The following SLC12A4 variants were observed in gnomAD, a reference collection of about 807,000 sequenced individuals.
SLC12A4 encodes the protein solute carrier family 12 member 4.
A neutral mutation model predicts 119.2 loss-of-function variants in SLC12A4; 84 were observed. That is an observed-to-expected ratio of 0.70 (90% confidence interval 0.59 to 0.85). The LOEUF (loss-of-function observed/expected upper bound fraction) is 0.85. Among genes scored for constraint, SLC12A4 ranks in the 40% least tolerant of loss-of-function variants. The pLI, the probability that SLC12A4 is intolerant of heterozygous loss-of-function variation, is 0.00. For synonymous variants in SLC12A4, 599 were observed against 604.6 expected, an observed-to-expected ratio of 0.99 and a Z score of 0.14; for missense variants, 1,298 against 1,476.3, an observed-to-expected ratio of 0.88 and a Z score of 1.98.
In SLC12A4 at chr16:67,944,911, GCA is replaced by G; in HGVS notation, c.3185_3186del (p.Val1062AlafsTer6). On this transcript the variant is annotated frameshift_variant, in exon 24 of 24. Coordinates refer to ENST00000316341, the MANE Select transcript of SLC12A4 (RefSeq NM_005072.5). LOFTEE classifies it high-confidence loss of function. The surrounding 1 kb of genome is among the most constrained non-coding windows in gnomAD (Gnocchi z 6.6). ...GDENYMEFLE[V>X]LTEGLERVLL... ...AGCACCCGCTCAAGGCCCTCGGTCA[GCA>G]CCTCGAGGAACTCCATGTCTGCAGG... 4 of 1,613,412 alleles carry G rather than the reference GCA, an allele frequency of 2.5e-6. No individual in the cohort carries two copies. Among genetic ancestry groups the G allele is most frequent in the Non-Finnish European group, 2.5e-6 (3 of 1,180,006 alleles).
intron 6 of SLC12A4, chr16:67,954,122 G>A (rs1034494200): frequency 1.2e-5 from 5 of 408,210 alleles, no homozygotes; most frequent in African/African-American, 2.1e-5. Context: ...CCACTGGTAC[G>A]GCAGTTCACT....
chr16:67,945,314 C>T, intron 22 of SLC12A4, 55 bp downstream of exon 22: 20 of 1,575,960 alleles, frequency 1.3e-5, no homozygotes, highest in Non-Finnish European at 1.7e-5. Flanking sequence ...GTCTGCCCCA[C>T]CCCACCTCCA....
rs896037429 is a variant in SLC12A4, at chr16:67,946,832, G to A, written c.2241+105C>T. On this transcript the variant is annotated intron_variant, in intron 17 of 23. Transcript: ENST00000316341. ...CAGCTCTCAGGTGGCAGCAGTGCTG[G>A]CTGCCTGGCTGGCCACCCTGGCCAA... The A allele has an allele frequency of 3.6e-6, 5 of 1,374,488 alleles. No homozygotes were observed. The South Asian group carries it at 4.1e-5, about 11-fold the overall frequency. 85.1% of individuals were successfully genotyped at this position (1,374,488 alleles called of 1,614,324 possible).
chr16:67,966,835 C>T, intron 1 of SLC12A4: 1 of 1,547,912 alleles, frequency 6.5e-7, no homozygotes, highest in Non-Finnish European at 8.7e-7. Flanking sequence ...GGAAGGGAGG[C>T]AGTGGGAGGA....
Position 67,949,672 on chromosome 16 carries a change from G to T in SLC12A4, c.1748+128C>A. 1.5e-6 allele frequency: 1 copy of T among 648,820 alleles called. No homozygotes were observed. Among genetic ancestry groups the T allele is most frequent in the Non-Finnish European group, 2.6e-6 (1 of 380,714 alleles). The allele number at this position is 648,820 out of a possible 1,614,324, so 40.2% of individuals were successfully genotyped here. A position where few individuals can be genotyped will look rare whatever the true frequency, so the allele number is the denominator to read the frequency against. ...TGCAGGGGTGGGCTGAGCCCTGTCA[G>T]GCCACATCTCCCCATGCAGCCTGCC... is the stretch of plus-strand genomic sequence containing the variant. On this transcript the variant is annotated intron_variant, in intron 13 of 23. Coordinates refer to ENST00000316341, the MANE Select transcript of SLC12A4 (RefSeq NM_005072.5). The surrounding 1 kb of genome is among the most constrained non-coding windows in gnomAD (Gnocchi z 4.6).
At position 67,945,137 on chromosome 16, in the gene SLC12A4, AC is replaced by A; in HGVS notation, c.3115del (p.Val1039PhefsTer3). The A allele has an allele frequency of 6.2e-7, 1 of 1,600,758 alleles. No individual in the cohort carries two copies. Among genetic ancestry groups the A allele is most frequent in the Non-Finnish European group, 8.5e-7 (1 of 1,172,452 alleles). The stretch of plus-strand genomic sequence containing the variant: ...GGGTGGGCCAGGCATGTTTAGGAGA[AC>A]CAGGCGGGCGTCGTGGGAGCGCGTG... ...IVTRSHDARL[V>X]LLNMPGPPRN... On this transcript the variant is annotated frameshift_variant, in exon 23 of 24. Transcript: ENST00000316341. LOFTEE classifies it high-confidence loss of function.
intron 1 of SLC12A4, 118 bp downstream of exon 1, chr16:67,968,305 GGTCCAAAAAAAGTTGA>G: frequency 1.3e-6 from 1 of 742,978 alleles, no homozygotes; most frequent in East Asian, 3.5e-5. Flanking sequence ...GCAGCGGCGC[GGTCCAAAAAAAGTTGA>G]GTCCGCACCG....
chr16:67,943,479 T>C lies in SLC12A4; in HGVS notation c.*1361A>G, dbSNP rs1109166. The C allele has an allele frequency of 0.23, 123,451 of 528,266 alleles. 20,265 individuals carry two copies. Among genetic ancestry groups the C allele is most frequent in the African/African-American group, 0.65 (34,115 of 52,430 alleles). The allele number at this position is 528,266 out of a possible 1,614,324, so 32.7% of individuals were successfully genotyped here. On this transcript the variant is annotated 3_prime_UTR_variant, in exon 24 of 24. Coordinates refer to ENST00000316341, the MANE Select transcript of SLC12A4 (RefSeq NM_005072.5). This position sits in a 1 kb window ranked among gnomAD's most constrained non-coding sequence, Gnocchi z 4.6. Reference sequence around the variant, plus strand: ...CTGCCTCTGCAGAGCAAACACCCAGTCTGGCGCTCCTTTATTGCCAAAGTC... The same window carrying C: ...CTGCCTCTGCAGAGCAAACACCCAGCCTGGCGCTCCTTTATTGCCAAAGTC...
chr16:67,945,660 G>T, intron 21 of SLC12A4, 104 bp downstream of exon 21: 1 of 1,490,098 alleles, frequency 6.7e-7, no homozygotes, highest in South Asian at 1.2e-5. Context: ...ACTAGCTTGG[G>T]TAGGGCTGCG....
chr16:67,958,003 G>A lies in SLC12A4; in HGVS notation c.384C>T (p.Cys128=). 3 of 1,614,214 alleles carry A rather than the reference G, an allele frequency of 1.9e-6. No individual in the cohort carries two copies. The highest frequency in any genetic ancestry group is 1.6e-4 in the Middle Eastern group (1 of 6,062). ...MGTLMGVYLP[C]LQNIFGVILF... The stretch of plus-strand genomic sequence containing the variant: ...GGATAACCCCAAAGATATTCTGCAG[G>A]CAGGGCAGGTACACCCCCATGAGGG... The change falls in exon 4 of 24, where the codon TGC becomes TGT. Residue 128 remains cysteine (C), a synonymous_variant. Transcript: ENST00000316341.
At chr16:67,958,725 A>G (rs1241772314) in intron 3 of SLC12A4, among the ~76,000 whole-genome samples, 2 of 152,050 alleles carry the variant, frequency 1.3e-5, no homozygotes, top group Non-Finnish European at 2.9e-5. Context: ...TATTAGCTCC[A>G]GCCCCTGACC....
At chr16:67,965,003 C>G (rs2151340911) in intron 1 of SLC12A4, among the ~76,000 whole-genome samples, 1 of 152,332 alleles carries the variant, frequency 6.6e-6, no homozygotes, top group African/African-American at 2.4e-5. Flanking sequence ...AAGTGGCACA[C>G]CTGCTACACC....
chr16:67,950,321 G>A lies in SLC12A4; in HGVS notation c.1627C>T (p.Arg543Trp), dbSNP rs200235448. 2.9e-5 allele frequency: 46 copies of A among 1,613,578 alleles called. No homozygotes were observed. In the Middle Eastern group the frequency reaches 5.0e-4, roughly 18 times the overall value. ...TGGGGGAGTGCAGAGGGGCTCACCC[G>A]GAGGAAGGGGATGATGTTGTCCTTG... ...IAKDNIIPFL[R>W]VFGHGKVNGE... Residue 543 changes from arginine to tryptophan, a missense_variant and splice_region_variant, in exon 12 of 24, where the codon CGG becomes TGG. Coordinates refer to ENST00000316341, the MANE Select transcript of SLC12A4 (RefSeq NM_005072.5). The surrounding 1 kb of genome is among the most constrained non-coding windows in gnomAD (Gnocchi z 4.3).
In SLC12A4 at chr16:67,944,351, T is replaced by C; in HGVS notation, c.*489A>G. Reference sequence around the variant, plus strand: ...GGCCCAGAACTACACAATGTTTTATTGAAAAAGTCAGGCCTCAGCTCAGCT... The same window carrying C: ...GGCCCAGAACTACACAATGTTTTATCGAAAAAGTCAGGCCTCAGCTCAGCT... On this transcript the variant is annotated 3_prime_UTR_variant, in exon 24 of 24. Coordinates refer to ENST00000316341, the MANE Select transcript of SLC12A4 (RefSeq NM_005072.5). This position sits in a 1 kb window ranked among gnomAD's most constrained non-coding sequence, Gnocchi z 6.6. 1.5e-6 allele frequency: 2 copies of C among 1,361,854 alleles called. No individual in the cohort carries two copies. The highest frequency in any genetic ancestry group is 5.4e-5 in the East Asian group (2 of 37,210). 84.4% of individuals were successfully genotyped at this position (1,361,854 alleles called of 1,614,324 possible).
At position 67,945,780 on chromosome 16, in the gene SLC12A4, G is replaced by A. The variant is rs2058337387; in HGVS notation, c.2831C>T (p.Thr944Ile). 1.9e-6 allele frequency: 3 copies of A among 1,613,518 alleles called. No homozygotes were observed. The highest frequency in any genetic ancestry group is 2.5e-6 in the Non-Finnish European group (3 of 1,180,020). ...GGCACTGACTTCTCGCTCCCGCTCA[G>A]TCTTGGTCAGTCTCATCTGCCGCAG... is the stretch of plus-strand genomic sequence containing the variant. ...QMLRQMRLTK[T>I]EREREAQLVK... Residue 944 changes from threonine (T) to isoleucine (I), a missense_variant, in exon 21 of 24, where the codon ACT (threonine) becomes ATT (isoleucine). Transcript: ENST00000316341.
intron 13 of SLC12A4, among the ~76,000 whole-genome samples, chr16:67,948,983 A>G (rs535862369): frequency 2.0e-5 from 3 of 152,284 alleles, no homozygotes; most frequent in East Asian, 1.9e-4. Context: ...CGCACAAGCA[A>G]GAAGGAGCGT....
At position 67,963,460 on chromosome 16, in the gene SLC12A4, G is replaced by T; in HGVS notation, c.210+5C>A. ...ACCTGTGGCCCAAAATGGCTCCTCA[G>T]CTACCTCAAACAGTGCCAGGTTCCT... On this transcript the variant is annotated splice_donor_5th_base_variant and intron_variant, in intron 2 of 23. Coordinates refer to ENST00000316341, the MANE Select transcript of SLC12A4 (RefSeq NM_005072.5). 1 of 1,563,422 alleles carries T rather than the reference G, an allele frequency of 6.4e-7. No homozygotes were observed. The highest frequency in any genetic ancestry group is 8.6e-7 in the Non-Finnish European group (1 of 1,163,940).
At position 67,950,088 on chromosome 16, in the gene SLC12A4, T is replaced by A. The variant is rs1243157337; in HGVS notation, c.1630-170A>T. 1.4e-6 allele frequency: 1 copy of A among 690,682 alleles called. No individual in the cohort carries two copies. Among genetic ancestry groups the A allele is most frequent in the African/African-American group, 1.8e-5 (1 of 55,116 alleles). The allele number at this position is 690,682 out of a possible 1,614,324, so 42.8% of individuals were successfully genotyped here. Reference sequence around the variant, plus strand: ...CTCCCTGATTCCACCTCACCAGGCCTCTCTCCTTTGGATGAGCCCTAAACA... The same window carrying A: ...CTCCCTGATTCCACCTCACCAGGCCACTCTCCTTTGGATGAGCCCTAAACA... On this transcript the variant is annotated intron_variant, in intron 12 of 23. Transcript: ENST00000316341. The surrounding 1 kb of genome is among the most constrained non-coding windows in gnomAD (Gnocchi z 4.3).
chr16:67,947,232 G>T, intron 16 of SLC12A4, 99 bp downstream of exon 16: 1 of 1,493,694 alleles, frequency 6.7e-7, no homozygotes, highest in African/African-American at 1.4e-5. Flanking sequence ...GGTGCCCCGG[G>T]CAGCCCCAGG....
Sources: gnomAD v4.1 joint callset for allele counts (sites outside exome capture counted in the v4.1 genomes callset) on GRCh38, gnomAD v4.1.1 for gene constraint, Gnocchi (gnomAD v3.1) non-coding constraint, MANE v1.5 for transcripts, NCBI Gene and HGNC (gene_info 2026-07-23, HGNC 2026-07-21) for gene names.